MCTP1: variants seen among roughly 807,000 people sequenced by gnomAD.
MCTP1 encodes multiple C2 and transmembrane domain containing 1, also known as multiple C2 and transmembrane domain-containing protein 1.
MCTP1 carries 69 observed loss-of-function variants against 120.6 expected under a neutral mutation model. That is an observed-to-expected ratio of 0.57 (90% CI 0.47 to 0.70). The LOEUF is 0.70. Among genes scored for constraint, MCTP1 ranks in the 30% least tolerant of loss-of-function variants. The pLI, the probability that MCTP1 is intolerant of heterozygous loss-of-function variation, is 0.00. For missense variants in MCTP1, 1,203 were observed against 1,248.8 expected (o/e 0.96, Z 0.55); for synonymous variants, 529 against 493.1 (o/e 1.07, Z -0.96).
At chr5:95,209,306 T>C (rs1242117846) in intron 1 of MCTP1, among the ~76,000 whole-genome samples, 1 of 152,210 alleles carries the variant, frequency 6.6e-6, no homozygotes, top group African/African-American at 2.4e-5. Context: ...CAGAAATTCT[T>C]TCTTATCAAT....
At chr5:94,806,457 G>T (rs1782320331) in intron 17 of MCTP1, among the ~76,000 whole-genome samples, 1 of 152,176 alleles carries the variant, frequency 6.6e-6, no homozygotes, top group South Asian at 2.1e-4. Flanking sequence ...CCATTTCTTA[G>T]GAGGTGCAAG....
At chr5:94,752,890 T>G (rs1237461757) in intron 19 of MCTP1, among the ~76,000 whole-genome samples, 1 of 152,230 alleles carries the variant, frequency 6.6e-6, no homozygotes, top group Admixed American at 6.5e-5. Context: ...TTTATGGTCA[T>G]CTGAATTCTA....
intron 19 of MCTP1, among the ~76,000 whole-genome samples, chr5:94,749,751 G>A (rs1485327441): frequency 6.8e-6 from 1 of 148,068 alleles, no homozygotes; most frequent in Non-Finnish European, 1.5e-5. Context: ...TTGGTATTAA[G>A]TGAATAATGA....
At chr5:95,143,095 A>AT (rs1760076080) in intron 1 of MCTP1, among the ~76,000 whole-genome samples, 1 of 152,226 alleles carries the variant, frequency 6.6e-6, no homozygotes, top group Non-Finnish European at 1.5e-5. Context: ...CACCAAAGAC[A>AT]GTTACCATGT....
At chr5:95,200,830 G>A (rs1255382090) in intron 1 of MCTP1, among the ~76,000 whole-genome samples, 2 of 152,106 alleles carry the variant, frequency 1.3e-5, no homozygotes, top group Admixed American at 6.5e-5. Flanking sequence ...GCGTATGTGA[G>A]GTAATGCATA....
intron 19 of MCTP1, among the ~76,000 whole-genome samples, chr5:94,723,561 T>G (rs577050621): frequency 4.1e-4 from 63 of 152,122 alleles, no homozygotes; most frequent in Non-Finnish European, 6.9e-4. Flanking sequence ...CAGAGTTTTT[T>G]TTTTGTTTTG....
At chr5:95,190,333 A>G (rs1562222580) in intron 1 of MCTP1, among the ~76,000 whole-genome samples, 1 of 152,136 alleles carries the variant, frequency 6.6e-6, no homozygotes, top group Non-Finnish European at 1.5e-5. Context: ...GGAAATTAAG[A>G]CATGAGGAAA....
chr5:94,756,144 G>A (rs553272713), intron 19 of MCTP1, among the ~76,000 whole-genome samples: 57 of 152,226 alleles, frequency 3.7e-4, no homozygotes, highest in Non-Finnish European at 7.1e-4. Flanking sequence ...TAAATATACA[G>A]TCATTTAATC....
At chr5:94,844,301 C>CAAAAAAAAAAAAAAAAAAAAA (rs59169145) in intron 17 of MCTP1, among the ~76,000 whole-genome samples, 1 of 79,710 alleles carries the variant, frequency 1.3e-5, no homozygotes, top group Non-Finnish European at 2.3e-5. Context: ...GACTCTGTCT[C>CAAAAAAAAAAAAAAAAAAAAA]AAAAAAAAAA....
At chr5:95,260,295 G>A (rs1758354304) in intron 1 of MCTP1, among the ~76,000 whole-genome samples, 1 of 152,086 alleles carries the variant, frequency 6.6e-6, no homozygotes, top group African/African-American at 2.4e-5. Context: ...GTGCTGATTC[G>A]GAGAAATCTC....
chr5:95,136,552 G>C (rs1343202182), intron 1 of MCTP1, among the ~76,000 whole-genome samples: 2 of 152,248 alleles, frequency 1.3e-5, no homozygotes, highest in African/African-American at 4.8e-5. Context: ...AAGGGGGAGG[G>C]AAGTGGGGAA....
intron 1 of MCTP1, among the ~76,000 whole-genome samples, chr5:95,266,057 C>T (rs1473709593): frequency 6.6e-6 from 1 of 152,178 alleles, no homozygotes; most frequent in Non-Finnish European, 1.5e-5. Context: ...TTGGGTTCCC[C>T]TCACACCCTG....
intron 12 of MCTP1, among the ~76,000 whole-genome samples, chr5:94,888,154 T>C (rs1453131057): frequency 3.3e-5 from 5 of 152,194 alleles, no homozygotes; most frequent in African/African-American, 1.2e-4. Context: ...CAAATCCTTA[T>C]GAAATTAAAT....
intron 1 of MCTP1, among the ~76,000 whole-genome samples, chr5:95,136,934 G>T (rs982572476): frequency 6.6e-6 from 1 of 152,136 alleles, no homozygotes; most frequent in Admixed American, 6.5e-5. Flanking sequence ...AGACTACAAT[G>T]GAGAAAAATT....
intron 1 of MCTP1, among the ~76,000 whole-genome samples, chr5:95,259,299 T>A (rs901746242): frequency 1.3e-5 from 2 of 152,090 alleles, no homozygotes; most frequent in African/African-American, 4.8e-5. Context: ...AAGGAAGAAA[T>A]CTATCTTTGC....
intron 1 of MCTP1, among the ~76,000 whole-genome samples, chr5:95,239,569 G>A (rs184318650): frequency 2.6e-5 from 4 of 152,258 alleles, no homozygotes; most frequent in East Asian, 3.9e-4. Context: ...TGTAATTGAA[G>A]ACTAAATGTC....
At chr5:95,074,209 G>C (rs1023421774) in intron 1 of MCTP1, among the ~76,000 whole-genome samples, 1 of 152,254 alleles carries the variant, frequency 6.6e-6, no homozygotes, top group African/African-American at 2.4e-5. Flanking sequence ...CATGTAGTTT[G>C]AGCAAGATTC....
At chr5:94,978,353 A>G (rs1828585121) in intron 2 of MCTP1, among the ~76,000 whole-genome samples, 1 of 152,186 alleles carries the variant, frequency 6.6e-6, no homozygotes, top group African/African-American at 2.4e-5. Context: ...ACTTTTTAGT[A>G]TTTATCTAAA....
At chr5:95,087,342 G>A (rs1434563796) in intron 1 of MCTP1, among the ~76,000 whole-genome samples, 1 of 152,202 alleles carries the variant, frequency 6.6e-6, no homozygotes, top group East Asian at 1.9e-4. Flanking sequence ...ATTGTCAGAA[G>A]GATGCAAACT....
Sources: gnomAD v4.1 joint callset for allele counts (sites outside exome capture counted in the v4.1 genomes callset) on GRCh38, gnomAD v4.1.1 for gene constraint, MANE v1.5 for transcripts, NCBI Gene and HGNC (gene_info 2026-07-23, HGNC 2026-07-21) for gene names.